Variants in FAM53B observed in about 807,000 individuals in gnomAD.
FAM53B encodes the protein family with sequence similarity 53 member B.
FAM53B carries 12 observed loss-of-function variants against 32.7 expected under a neutral mutation model. The ratio of observed to expected loss-of-function variants is 0.37; its 90% CI spans 0.24 to 0.59. The LOEUF is 0.59. Among genes scored for constraint, FAM53B ranks in the 20% least tolerant of loss-of-function variants. FAM53B has a pLI of 0.72. For synonymous variants in FAM53B, 234 were observed against 228.7 expected, an observed-to-expected ratio of 1.02 and a Z score of -0.21; for missense variants, 477 against 577.7, an observed-to-expected ratio of 0.83 and a Z score of 1.79.
At chr10:124,701,184 T>TG (rs1220515495) in intron 2 of FAM53B, among the ~76,000 whole-genome samples, 1 of 152,232 alleles carries the variant, frequency 6.6e-6, no homozygotes. Flanking sequence ...AGATCCTGGC[T>TG]GGGGCTGTTG....
At chr10:124,664,454 G>A (rs1374168767) in intron 4 of FAM53B, among the ~76,000 whole-genome samples, 1 of 152,240 alleles carries the variant, frequency 6.6e-6, no homozygotes, top group Non-Finnish European at 1.5e-5. Flanking sequence ...CGGGAAGGCA[G>A]AGACCTGGGC....
rs560285910 is a variant in FAM53B, at chr10:124,719,937, C to T, written c.-174-13050G>A. ...CAGCACTTTGGGAGGCCAAGGCAGG[C>T]AGATCACCTGAGGTAAGGAGTTCGA... On this transcript the variant is annotated intron_variant, in intron 1 of 4. Coordinates refer to ENST00000337318, the MANE Select transcript of FAM53B (RefSeq NM_014661.4). Among the ~76,000 whole-genome samples, 3 of 152,244 alleles carry T rather than the reference C, an allele frequency of 2.0e-5. No homozygotes were observed. In the East Asian group the frequency reaches 5.8e-4, roughly 29 times the overall value.
At position 124,739,966 on chromosome 10, in the gene FAM53B, C is replaced by CA. The variant is rs577619009; in HGVS notation, c.-175+4046dup. Among the ~76,000 whole-genome samples the CA allele has an allele frequency of 2.0e-3, 308 of 151,236 alleles. 1 individual carries two copies. The highest frequency in any genetic ancestry group is 4.5e-3 in the African/African-American group (187 of 41,266). On this transcript the variant is annotated intron_variant, in intron 1 of 4. Coordinates refer to ENST00000337318, the MANE Select transcript of FAM53B (RefSeq NM_014661.4). ...CACATTTAACAAAAAAACAAACAAA[C>CA]AAAAAAAACGACAAGAAAAACCCAA...
chr10:124,656,877 C>T (rs1045252858), intron 4 of FAM53B, among the ~76,000 whole-genome samples: 11 of 148,504 alleles, frequency 7.4e-5, no homozygotes, highest in African/African-American at 2.5e-4. Context: ...CATCACACAC[C>T]GGGGCCTGTT....
At chr10:124,639,915 C>T (rs554089791) in intron 4 of FAM53B, among the ~76,000 whole-genome samples, 17 of 146,846 alleles carry the variant, frequency 1.2e-4, no homozygotes, top group Non-Finnish European at 2.6e-4. Flanking sequence ...TTTGGGCAAA[C>T]TCCCACCGAG....
At chr10:124,687,597 CTG>C (rs1181391959) in intron 3 of FAM53B, among the ~76,000 whole-genome samples, 1 of 152,198 alleles carries the variant, frequency 6.6e-6, no homozygotes, top group Non-Finnish European at 1.5e-5. Flanking sequence ...GTGCCAGCCT[CTG>C]TGGAATCCGG....
intron 4 of FAM53B, among the ~76,000 whole-genome samples, chr10:124,662,586 C>G (rs535601886): frequency 1.3e-4 from 20 of 151,684 alleles, no homozygotes; most frequent in African/African-American, 4.6e-4. Flanking sequence ...GAGGCTCAGG[C>G]AGGAGGATGG....
intron 4 of FAM53B, among the ~76,000 whole-genome samples, chr10:124,671,908 A>C (rs1949709234): frequency 6.6e-6 from 1 of 152,236 alleles, no homozygotes; most frequent in African/African-American, 2.4e-5. Flanking sequence ...AGTCTAGTCA[A>C]ACCAAGTTCC....
At chr10:124,685,232 GTTAAT>G (rs1284571021) in intron 3 of FAM53B, among the ~76,000 whole-genome samples, 3 of 152,278 alleles carry the variant, frequency 2.0e-5, no homozygotes, top group South Asian at 2.1e-4. Context: ...CAGCTGGTTG[GTTAAT>G]TTATTTTTTC....
intron 4 of FAM53B, among the ~76,000 whole-genome samples, chr10:124,638,300 G>A (rs1263845722): frequency 1.3e-5 from 2 of 152,240 alleles, no homozygotes; most frequent in East Asian, 3.9e-4. Context: ...AACCTGGGAG[G>A]CGGAGCTTGC....
chr10:124,700,413 A>G (rs1949907465), intron 2 of FAM53B, among the ~76,000 whole-genome samples: 1 of 152,160 alleles, frequency 6.6e-6, no homozygotes. Context: ...GTTTCACAAG[A>G]CACTCAGTGT....
chr10:124,654,602 G>A lies in FAM53B; in HGVS notation c.906+27005C>T, dbSNP rs149437442. ...CCCCGTGGCCCTCCCTGCCCAGGGC[G>A]AGGGTAGAAAGCCCGACTCCAGGCA... On this transcript the variant is annotated intron_variant, in intron 4 of 4. Coordinates refer to ENST00000337318, the MANE Select transcript of FAM53B (RefSeq NM_014661.4). 7.1e-3 allele frequency among the ~76,000 whole-genome samples: 1,077 copies of A among 152,328 alleles called. 8 individuals carry two copies. Among genetic ancestry groups the A allele is most frequent in the Non-Finnish European group, 9.1e-3 (617 of 68,022 alleles).
At chr10:124,635,016 T>C (rs1949419412) in intron 4 of FAM53B, among the ~76,000 whole-genome samples, 1 of 152,198 alleles carries the variant, frequency 6.6e-6, no homozygotes, top group East Asian at 1.9e-4. Flanking sequence ...TTGTAACTCA[T>C]ATCACAGGCA....
chr10:124,699,446 TA>T (rs1949898930), intron 2 of FAM53B, among the ~76,000 whole-genome samples: 1 of 152,224 alleles, frequency 6.6e-6, no homozygotes, highest in African/African-American at 2.4e-5. Context: ...CCCTGCAGGC[TA>T]GCCTGGCCTC....
chr10:124,744,274 CGGCCCGGCGCTTAGCGGGCGGTGTCGCG>C lies in FAM53B; in HGVS notation c.-464_-437del. The C allele has an allele frequency of 6.8e-6, 1 of 147,664 alleles. No homozygotes were observed. Among genetic ancestry groups the C allele is most frequent in the East Asian group, 1.9e-4 (1 of 5,130 alleles). 9.1% of individuals were successfully genotyped at this position (147,664 alleles called of 1,614,324 possible). On this transcript the variant is annotated 5_prime_UTR_variant, in exon 1 of 5. Coordinates refer to ENST00000337318, the MANE Select transcript of FAM53B (RefSeq NM_014661.4). Reference sequence around the variant, plus strand: ...CCGCCAGACCGCGGCTGCGTGAACTCGGCCCGGCGCTTAGCGGGCGGTGTCGCGGGCCCGGGCGCTAGGCGCGGCGGCG... The same window carrying C: ...CCGCCAGACCGCGGCTGCGTGAACTCGGCCCGGGCGCTAGGCGCGGCGGCG...
chr10:124,667,044 A>C, intron 4 of FAM53B: 3 of 207,444 alleles, frequency 1.4e-5, no homozygotes, highest in Non-Finnish European at 2.9e-5. Context: ...ACCCCCCCAC[A>C]CTCTTATACC....
chr10:124,666,470 G>T (rs1473373795), intron 4 of FAM53B, among the ~76,000 whole-genome samples: 1 of 152,192 alleles, frequency 6.6e-6, no homozygotes, highest in African/African-American at 2.4e-5. Context: ...AGAACCTGAC[G>T]CGAGTGGCTC....
rs1223943205 is a variant in FAM53B, at chr10:124,733,929, T to C, written c.-175+10084A>G. 6.6e-6 allele frequency among the ~76,000 whole-genome samples: 1 copy of C among 152,224 alleles called. No homozygotes were observed. Among genetic ancestry groups the C allele is most frequent in the Non-Finnish European group, 1.5e-5 (1 of 68,042 alleles). Reference sequence around the variant, plus strand: ...CAGGCTCCAGGTCTCCCAGATTCCCTGACACAGTCCCATGGTGCTGTGACT... The same window carrying C: ...CAGGCTCCAGGTCTCCCAGATTCCCCGACACAGTCCCATGGTGCTGTGACT... On this transcript the variant is annotated intron_variant, in intron 1 of 4. Coordinates refer to ENST00000337318, the MANE Select transcript of FAM53B (RefSeq NM_014661.4). The surrounding 1 kb of genome is among the most constrained non-coding windows in gnomAD (Gnocchi z 4.3).
At chr10:124,737,071 C>T (rs1165874492) in intron 1 of FAM53B, among the ~76,000 whole-genome samples, 1 of 152,194 alleles carries the variant, frequency 6.6e-6, no homozygotes, top group Non-Finnish European at 1.5e-5. Flanking sequence ...CGGGCTAGTC[C>T]CTGAGCCACA....
Sources: allele counts gnomAD v4.1 joint callset (sites outside exome capture counted in the v4.1 genomes callset), GRCh38; gene constraint gnomAD v4.1.1; non-coding constraint Gnocchi (gnomAD v3.1); transcripts MANE v1.5; gene names NCBI Gene and HGNC (gene_info 2026-07-23, HGNC 2026-07-21).